BRMS1L: variants seen among roughly 807,000 people sequenced by gnomAD.
The protein encoded by BRMS1L is breast cancer metastasis-suppressor 1-like protein.
A neutral mutation model predicts 50.3 loss-of-function variants in BRMS1L; 23 were observed. The observed-to-expected ratio is 0.46, with a 90% CI of 0.33 to 0.65. The LOEUF (loss-of-function observed/expected upper bound fraction) is 0.65, where lower values mean the gene tolerates loss of function less well. Among genes scored for constraint, BRMS1L ranks in the 30% least tolerant of loss-of-function variants. The probability of loss-of-function intolerance (pLI) is 0.02; values close to 1 mark genes in which losing one functional copy is unlikely to be tolerated. For synonymous variants in BRMS1L, 114 were observed against 126.9 expected (o/e 0.90, Z 0.69); for missense variants, 286 against 386.1 (o/e 0.74, Z 2.17).
rs149821533 is a variant in BRMS1L, at chr14:35,853,935, A to G, written c.442-8655A>G. 4.9e-3 allele frequency among the ~76,000 whole-genome samples: 753 copies of G among 152,278 alleles called. 1 individual carries two copies. Among genetic ancestry groups the G allele is most frequent in the African/African-American group, 0.017 (686 of 41,552 alleles). On this transcript the variant is annotated intron_variant, in intron 4 of 9. Transcript: ENST00000216807. ...TAATTGCCTTAAATTTTCAGCATGC[A>G]TATCTACATTAATAGAATCTAAAAA... is the stretch of plus-strand genomic sequence containing the variant.
rs574267347 is a variant in BRMS1L at position 35,841,998 on chromosome 14, CTTTTTTT to C, written c.441+7087_441+7093del. ...TCAGAGACTAGGATTGCAATCTCTG[CTTTTTTT>C]TTTTTTTTTTTGCTTTCCATTTGCT... On this transcript the variant is annotated intron_variant, in intron 4 of 9. Coordinates refer to ENST00000216807, the MANE Select transcript of BRMS1L (RefSeq NM_032352.4). Among the ~76,000 whole-genome samples, 68 of 112,218 alleles carry C rather than the reference CTTTTTTT, an allele frequency of 6.1e-4. 1 individual carries two copies. The highest frequency in any genetic ancestry group is 2.2e-3 in the African/African-American group (62 of 28,258). 73.6% of individuals were successfully genotyped at this position (112,218 alleles called of 152,430 possible).
At chr14:35,862,044 G>T (rs2078358804) in intron 4 of BRMS1L, among the ~76,000 whole-genome samples, 1 of 152,120 alleles carries the variant, frequency 6.6e-6, no homozygotes, top group African/African-American at 2.4e-5. Context: ...TTTGTAGAAA[G>T]ATTTGGATAT....
At chr14:35,863,038 G>A (rs941651280) in intron 5 of BRMS1L, among the ~76,000 whole-genome samples, 9 of 152,010 alleles carry the variant, frequency 5.9e-5, no homozygotes, top group Non-Finnish European at 1.2e-4. Flanking sequence ...CCAGGAGTTC[G>A]AGATTGCAAT....
chr14:35,840,781 G>C (rs1270252378), intron 4 of BRMS1L, among the ~76,000 whole-genome samples: 1 of 151,146 alleles, frequency 6.6e-6, no homozygotes, highest in Non-Finnish European at 1.5e-5. Context: ...TCTGGCTAGT[G>C]GTCTATCTAA....
rs563741513 is a variant in BRMS1L, at chr14:35,838,507, C to G, written c.441+3584C>G. Among the ~76,000 whole-genome samples the G allele has an allele frequency of 4.3e-3, 635 of 147,044 alleles. 11 individuals are homozygous for G. Among genetic ancestry groups the G allele is most frequent in the African/African-American group, 0.015 (599 of 40,246 alleles). Reference sequence around the variant, plus strand: ...TCCCACCAACAGTGTAAAAGCTTTCCTATTTCTCCACATCCTCTCCAGCAT... The same window carrying G: ...TCCCACCAACAGTGTAAAAGCTTTCGTATTTCTCCACATCCTCTCCAGCAT... On this transcript the variant is annotated intron_variant, in intron 4 of 9. Coordinates refer to ENST00000216807, the MANE Select transcript of BRMS1L (RefSeq NM_032352.4).
intron 4 of BRMS1L, among the ~76,000 whole-genome samples, chr14:35,852,229 C>T (rs1300100347): frequency 1.3e-5 from 2 of 152,150 alleles, no homozygotes; most frequent in African/African-American, 4.8e-5. Flanking sequence ...TTTGATGAGA[C>T]AATGTCTTGC....
At chr14:35,850,491 C>T (rs112762836) in intron 4 of BRMS1L, among the ~76,000 whole-genome samples, 4,652 of 152,140 alleles carry the variant, frequency 0.031, 191 homozygotes, top group African/African-American at 0.089. Context: ...CCACTGTGCC[C>T]GGCCTTCAGT....
intron 4 of BRMS1L, among the ~76,000 whole-genome samples, chr14:35,858,943 ATTTTTT>A: frequency 7.4e-6 from 1 of 134,400 alleles, no homozygotes; most frequent in South Asian, 2.4e-4. Flanking sequence ...TATCTTACCC[ATTTTTT>A]TTTTTTTTTT....
At chr14:35,841,191 T>G (rs1350793520) in intron 4 of BRMS1L, among the ~76,000 whole-genome samples, 4 of 152,228 alleles carry the variant, frequency 2.6e-5, no homozygotes, top group Admixed American at 6.5e-5. Context: ...TGAGTTCTAA[T>G]TTAGCTGCAC....
chr14:35,841,698 G>A (rs889951190), intron 4 of BRMS1L, among the ~76,000 whole-genome samples: 1 of 152,144 alleles, frequency 6.6e-6, no homozygotes, highest in Non-Finnish European at 1.5e-5. Context: ...AGGTCTCCTT[G>A]GTCCAGAGCT....
chr14:35,836,873 C>T (rs1276913199), intron 4 of BRMS1L, among the ~76,000 whole-genome samples: 1 of 152,056 alleles, frequency 6.6e-6, no homozygotes, highest in Non-Finnish European at 1.5e-5. Flanking sequence ...TATCCATGAG[C>T]ATGGAATGTT....
chr14:35,851,895 GT>G (rs556755192), intron 4 of BRMS1L, among the ~76,000 whole-genome samples: 1 of 152,112 alleles, frequency 6.6e-6, no homozygotes, highest in African/African-American at 2.4e-5. Context: ...TGAAAAGACT[GT>G]TTTTTTCCCG....
rs571576215 is a variant in BRMS1L at position 35,841,945 on chromosome 14, G to A, written c.441+7022G>A. Reference sequence around the variant, plus strand: ...TGTAATGCCCTTCTTTGTCTTTTTTGATCTTTGTTGGTTTAAAGTCTGTTT... The same window carrying A: ...TGTAATGCCCTTCTTTGTCTTTTTTAATCTTTGTTGGTTTAAAGTCTGTTT... On this transcript the variant is annotated intron_variant, in intron 4 of 9. Coordinates refer to ENST00000216807, the MANE Select transcript of BRMS1L (RefSeq NM_032352.4). Among the ~76,000 whole-genome samples, 7 of 148,574 alleles carry A rather than the reference G, an allele frequency of 4.7e-5. No homozygotes were observed. In the South Asian group the frequency reaches 1.5e-3, roughly 32 times the overall value.
chr14:35,848,059 G>T (rs1357988562), intron 4 of BRMS1L, among the ~76,000 whole-genome samples: 5 of 152,074 alleles, frequency 3.3e-5, no homozygotes, highest in South Asian at 4.2e-4. Context: ...AATTCTTTAG[G>T]TTTAATACCC....
chr14:35,828,471 C>CTTTTTTT (rs780984053), intron 1 of BRMS1L, among the ~76,000 whole-genome samples: 1 of 99,278 alleles, frequency 1.0e-5, no homozygotes. Context: ...CATTCCCAGC[C>CTTTTTTT]TTTTTTTTTT....
rs975814279 is a variant in BRMS1L at position 35,871,457 on chromosome 14, T to G, written c.*980T>G. On this transcript the variant is annotated 3_prime_UTR_variant, in exon 10 of 10. Coordinates refer to ENST00000216807, the MANE Select transcript of BRMS1L (RefSeq NM_032352.4). ...AGGCCATTTGGTGCAATTTAGAAAG[T>G]GTTGGCCTCCCTTCCGCTAGCCACA... 2 of 152,650 alleles carry G rather than the reference T, an allele frequency of 1.3e-5. No individual in the cohort carries two copies. Among genetic ancestry groups the G allele is most frequent in the African/African-American group, 2.4e-5 (1 of 41,462 alleles). 9.5% of individuals were successfully genotyped at this position (152,650 alleles called of 1,614,324 possible).
intron 4 of BRMS1L, 28 bp downstream of exon 4, chr14:35,834,951 C>T: frequency 6.5e-7 from 1 of 1,547,744 alleles, no homozygotes; most frequent in Non-Finnish European, 8.8e-7. Flanking sequence ...AACTTTTAAG[C>T]TAATTTCATC....
chr14:35,861,100 T>C (rs1329226118), intron 4 of BRMS1L, among the ~76,000 whole-genome samples: 1 of 152,080 alleles, frequency 6.6e-6, no homozygotes, highest in African/African-American at 2.4e-5. Context: ...GAGAGAACTT[T>C]CCAAGAAAAA....
intron 4 of BRMS1L, 129 bp downstream of exon 4, chr14:35,835,052 T>TA (rs3058641): frequency 0.17 from 67,147 of 392,610 alleles, 2,353 homozygotes; most frequent in East Asian, 0.31. Flanking sequence ...TGTGTGTGAT[T>TA]AAAAAAAAAA....
Sources: allele counts gnomAD v4.1 joint callset (sites outside exome capture counted in the v4.1 genomes callset), GRCh38; gene constraint gnomAD v4.1.1; transcripts MANE v1.5; gene names NCBI Gene and HGNC (gene_info 2026-07-23, HGNC 2026-07-21).